Variants in AK1 observed in about 807,000 individuals in gnomAD.
AK1 encodes adenylate kinase 1, also known as adenylate kinase isoenzyme 1.
In AK1, 13 loss-of-function variants were observed where a neutral mutation model predicts 23.9. The observed-to-expected ratio is 0.54, with a 90% CI of 0.35 to 0.86. The LOEUF is 0.86. Ranked by LOEUF, AK1 falls within the 40% of genes least tolerant of loss-of-function variation. The pLI is 0.01. For missense variants in AK1, 214 were observed against 255.1 expected (o/e 0.84, Z 1.10); for synonymous variants, 97 against 102.8 (o/e 0.94, Z 0.34).
Position 127,868,151 on chromosome 9 carries a change from A to C in AK1, c.517-75T>G. On this transcript the variant is annotated intron_variant, in intron 6 of 6. Transcript: ENST00000644144. This position sits in a 1 kb window ranked among gnomAD's most constrained non-coding sequence, Gnocchi z 4.1. ...GGCCTCACCATGGCAGGCCCCAGAG[A>C]CCAGGCCTGCCTCCCCGAGCCCAAC... 2.6e-6 allele frequency: 4 copies of C among 1,550,216 alleles called. No individual in the cohort carries two copies. The highest frequency in any genetic ancestry group is 3.6e-6 in the Non-Finnish European group (4 of 1,124,094).
At chr9:127,875,232 C>A (rs1283984042) in intron 1 of AK1, among the ~76,000 whole-genome samples, 3 of 151,960 alleles carry the variant, frequency 2.0e-5, no homozygotes, top group African/African-American at 7.3e-5. Context: ...CGGTCCCAGG[C>A]TCTTCACCTC....
Position 127,871,743 on chromosome 9 carries a change from C to A in AK1, c.324+80G>T. On this transcript the variant is annotated intron_variant, in intron 5 of 6. Transcript: ENST00000644144. This position sits in a 1 kb window ranked among gnomAD's most constrained non-coding sequence, Gnocchi z 4.4. ...CTCAGAACTCTGACCTGCATCACAGCCCCCGCAGGCCCGCCCATGGGGATG... is the reference window on the plus strand; with the variant it reads ...CTCAGAACTCTGACCTGCATCACAGACCCCGCAGGCCCGCCCATGGGGATG... The A allele has an allele frequency of 8.7e-7, 1 of 1,151,472 alleles. No homozygotes were observed. 71.3% of individuals were successfully genotyped at this position (1,151,472 alleles called of 1,614,324 possible).
chr9:127,867,467 C>T lies in AK1; in HGVS notation c.*541G>A, dbSNP rs1347395209. The T allele has an allele frequency of 1.2e-5, 2 of 160,310 alleles. No individual in the cohort carries two copies. Among genetic ancestry groups the T allele is most frequent in the African/African-American group, 2.4e-5 (1 of 41,574 alleles). 9.9% of individuals were successfully genotyped at this position (160,310 alleles called of 1,614,324 possible). A position where few individuals can be genotyped will look rare whatever the true frequency, so the allele number is the denominator to read the frequency against. ...CGCCCCAACTGCCCAGGAAGCCCCA[C>T]TCAGACCATGACCTTGCTGCCTGTG... On this transcript the variant is annotated 3_prime_UTR_variant, in exon 7 of 7. Transcript: ENST00000644144.
intron 2 of AK1, chr9:127,873,522 T>TC (rs1231147768): frequency 1.9e-5 from 28 of 1,440,920 alleles, no homozygotes; most frequent in Non-Finnish European, 2.6e-5. Context: ...ATCACCCGCC[T>TC]CCCCCGGCAG....
Position 127,868,476 on chromosome 9 carries a change from C to T in AK1, c.361G>A (p.Gly121Ser). 1 of 1,601,804 alleles carries T rather than the reference C, an allele frequency of 6.2e-7. No individual in the cohort carries two copies. Among genetic ancestry groups the T allele is most frequent in the Non-Finnish European group, 8.5e-7 (1 of 1,174,024 alleles). ...QPTLLLYVDA[G>S]PETMTQRLLK... Reference sequence around the variant, plus strand: ...AGCCGCTGGGTCATGGTCTCAGGGCCTGCGTCCACATACAGCAGCAGTGTG... The same window carrying T: ...AGCCGCTGGGTCATGGTCTCAGGGCTTGCGTCCACATACAGCAGCAGTGTG... The change falls in exon 6 of 7, where the codon GGC (glycine) becomes AGC (serine). Residue 121 changes from glycine (G) to serine (S), a missense_variant. Gly to Ser is a moderately conservative substitution (Grantham distance 56). Transcript: ENST00000644144. This position sits in a 1 kb window ranked among gnomAD's most constrained non-coding sequence, Gnocchi z 4.1.
chr9:127,874,868 T>C, intron 1 of AK1: 1 of 554,720 alleles, frequency 1.8e-6, no homozygotes, highest in Non-Finnish European at 3.3e-6. Flanking sequence ...CTGGCCTCCA[T>C]GGCCTCACCT....
rs1564469884 is a variant in AK1 at position 127,866,591 on chromosome 9, T to C, written c.*1417A>G. 2 of 152,228 alleles carry C rather than the reference T, an allele frequency of 1.3e-5. No homozygotes were observed. The highest frequency in any genetic ancestry group is 4.8e-5 in the African/African-American group (2 of 41,448). The allele number at this position is 152,228 out of a possible 1,614,324, so 9.4% of individuals were successfully genotyped here. A position where few individuals can be genotyped will look rare whatever the true frequency, so the allele number is the denominator to read the frequency against. On this transcript the variant is annotated 3_prime_UTR_variant, in exon 7 of 7. Transcript: ENST00000644144. ...ACAGCCCCAACTGTTCGGATTTCAT[T>C]CGGGCAGGCGGGGTCCACAAGAGGC...
At chr9:127,873,804 G>A (rs1588618400) in intron 2 of AK1, 2 of 985,422 alleles carry the variant, frequency 2.0e-6, no homozygotes, top group Non-Finnish European at 2.4e-6. Context: ...CCGCTTCCCA[G>A]GGAAATAGAG....
At chr9:127,876,220 G>A (rs1186256833) in intron 1 of AK1, among the ~76,000 whole-genome samples, 1 of 152,176 alleles carries the variant, frequency 6.6e-6, no homozygotes, top group East Asian at 1.9e-4. Context: ...CTCCCACACT[G>A]GCAGGTGCCT....
rs1829394635 is a variant in AK1, at chr9:127,871,024, C to CA, written c.324+798dup. Among the ~76,000 whole-genome samples the CA allele has an allele frequency of 6.6e-6, 1 of 151,836 alleles. No individual in the cohort carries two copies. Among genetic ancestry groups the CA allele is most frequent in the South Asian group, 2.1e-4 (1 of 4,836 alleles). On this transcript the variant is annotated intron_variant, in intron 5 of 6. Transcript: ENST00000644144. This position sits in a 1 kb window ranked among gnomAD's most constrained non-coding sequence, Gnocchi z 4.4. ...GTGTGCGAGCACGTGTGCATTCCTG[C>CA]ATATGTGTGCTGCGTCCGTGACATG... is the stretch of plus-strand genomic sequence containing the variant.
At chr9:127,876,883 G>A (rs773874442) in intron 1 of AK1, among the ~76,000 whole-genome samples, 23 of 152,322 alleles carry the variant, frequency 1.5e-4, no homozygotes, top group Admixed American at 2.6e-4. Context: ...CTGTGGGGCC[G>A]AAGCCCAGAG....
chr9:127,873,387 C>T (rs768188982), intron 2 of AK1: 12 of 1,580,914 alleles, frequency 7.6e-6, no homozygotes, highest in South Asian at 2.3e-5. Context: ...ACCCCGGGGC[C>T]GGTCACCTCT....
Position 127,867,869 on chromosome 9 carries a change from G to C in AK1, c.*139C>G. 1 of 797,982 alleles carries C rather than the reference G, an allele frequency of 1.3e-6. No homozygotes were observed. Among genetic ancestry groups the C allele is most frequent in the South Asian group, 1.5e-5 (1 of 66,722 alleles). 49.4% of individuals were successfully genotyped at this position (797,982 alleles called of 1,614,324 possible). On this transcript the variant is annotated 3_prime_UTR_variant, in exon 7 of 7. Coordinates refer to ENST00000644144, the MANE Select transcript of AK1 (RefSeq NM_000476.3). ...TTAGAAATTCCTTTAGTGCTCAGCT[G>C]TCCATGAAAACAGGATAAGCGGCTT...
intron 2 of AK1, chr9:127,874,124 A>G: frequency 2.0e-6 from 2 of 985,420 alleles, no homozygotes; most frequent in Non-Finnish European, 2.4e-6. Flanking sequence ...AACTGGACGG[A>G]TGGTGCTGCC....
rs868251307 is a variant in AK1, at chr9:127,868,863, C to T, written c.325-351G>A. 4.8e-4 allele frequency among the ~76,000 whole-genome samples: 73 copies of T among 152,312 alleles called. No homozygotes were observed. The highest frequency in any genetic ancestry group is 6.8e-3 in the Middle Eastern group (2 of 294). ...CCCGAGCCTGATCCTAACTCGCCTT[C>T]ACCTCAATACCAAGCATCAGGTTTC... On this transcript the variant is annotated intron_variant, in intron 5 of 6. Coordinates refer to ENST00000644144, the MANE Select transcript of AK1 (RefSeq NM_000476.3). The surrounding 1 kb of genome is among the most constrained non-coding windows in gnomAD (Gnocchi z 4.1).
chr9:127,873,121 C>T, intron 2 of AK1, 60 bp from the exon 3 acceptor site: 4 of 1,588,370 alleles, frequency 2.5e-6, no homozygotes, highest in Non-Finnish European at 3.4e-6. Context: ...GCCAGAGGCA[C>T]CTCTGGAGTC....
rs1829280497 is a variant in AK1 at position 127,867,805 on chromosome 9, C to G, written c.*203G>C. ...TAGGCACAAGCACATGAATCAACTCCAACTGGAAGCAGAGAAAAAGCAGTA... is the reference window on the plus strand; with the variant it reads ...TAGGCACAAGCACATGAATCAACTCGAACTGGAAGCAGAGAAAAAGCAGTA... On this transcript the variant is annotated 3_prime_UTR_variant, in exon 7 of 7. Coordinates refer to ENST00000644144, the MANE Select transcript of AK1 (RefSeq NM_000476.3). The G allele has an allele frequency of 3.4e-6, 2 of 582,198 alleles. No individual in the cohort carries two copies. The highest frequency in any genetic ancestry group is 1.9e-5 in the African/African-American group (1 of 53,708). 36.1% of individuals were successfully genotyped at this position (582,198 alleles called of 1,614,324 possible).
chr9:127,869,352 G>C (rs1444875696), intron 5 of AK1: 1 of 153,496 alleles, frequency 6.5e-6, no homozygotes, highest in Non-Finnish European at 1.5e-5. Context: ...AGCCCCCAAG[G>C]GTTTCTGCGC....
Position 127,867,811 on chromosome 9 carries a change from G to A in AK1, c.*197C>T, listed in dbSNP as rs1362814273. Reference sequence around the variant, plus strand: ...CAAGCACATGAATCAACTCCAACTGGAAGCAGAGAAAAAGCAGTAAAACCA... The same window carrying A: ...CAAGCACATGAATCAACTCCAACTGAAAGCAGAGAAAAAGCAGTAAAACCA... On this transcript the variant is annotated 3_prime_UTR_variant, in exon 7 of 7. Coordinates refer to ENST00000644144, the MANE Select transcript of AK1 (RefSeq NM_000476.3). 16 of 593,268 alleles carry A rather than the reference G, an allele frequency of 2.7e-5. No individual in the cohort carries two copies. The allele number at this position is 593,268 out of a possible 1,614,324, so 36.8% of individuals were successfully genotyped here.
Sources: gnomAD v4.1 joint callset for allele counts (sites outside exome capture counted in the v4.1 genomes callset) on GRCh38, gnomAD v4.1.1 for gene constraint, Gnocchi (gnomAD v3.1) non-coding constraint, MANE v1.5 for transcripts, NCBI Gene and HGNC (gene_info 2026-07-23, HGNC 2026-07-21) for gene names.